The following PCM1 variants were observed in gnomAD, a reference collection of about 807,000 sequenced individuals.
The protein encoded by PCM1 is pericentriolar material 1 protein.
Under a neutral mutation model 241.9 loss-of-function variants are expected in PCM1, and 157 were observed. The observed-to-expected ratio is 0.65, with a 90% CI of 0.57 to 0.74. The LOEUF (loss-of-function observed/expected upper bound fraction) is 0.74. Ranked by LOEUF, PCM1 falls within the 30% of genes least tolerant of loss-of-function variation. PCM1 has a pLI of 0.00. For missense variants in PCM1, 3,478 were observed against 2,360.1 expected, an observed-to-expected ratio of 1.47 and a Z score of -9.81; for synonymous variants, 1,085 against 784.9, an observed-to-expected ratio of 1.38 and a Z score of -6.39.
intron 38 of PCM1, 63 bp downstream of exon 38, chr8:18,025,721 G>A (rs2094142966): frequency 1.1e-6 from 1 of 949,286 alleles, no homozygotes; most frequent in Non-Finnish European, 1.6e-6. Flanking sequence ...TACTACTATT[G>A]TGTTTTATTT....
chr8:17,984,329 G>C (rs2081914027), intron 24 of PCM1, among the ~76,000 whole-genome samples: 1 of 151,832 alleles, frequency 6.6e-6, no homozygotes, highest in African/African-American at 2.4e-5. Flanking sequence ...TTTCCCATTA[G>C]AAGAGATTGC....
At chr8:17,926,273 ATT>A (rs1214228121) in intron 2 of PCM1, 1 of 152,118 alleles carries the variant, frequency 6.6e-6, no homozygotes, top group Non-Finnish European at 1.5e-5. Flanking sequence ...AGATTTGGCC[ATT>A]TTTTTCTGAA....
intron 32 of PCM1, 51 bp downstream of exon 32, chr8:18,010,719 A>AC: frequency 7.4e-7 from 1 of 1,355,390 alleles, no homozygotes; most frequent in South Asian, 1.3e-5. Context: ...GCGGTGGCTC[A>AC]CCCCCGTAAT....
intron 24 of PCM1, among the ~76,000 whole-genome samples, chr8:17,984,304 C>T (rs1375823705): frequency 6.6e-6 from 1 of 151,754 alleles, no homozygotes; most frequent in African/African-American, 2.4e-5. Flanking sequence ...TATCAAAATT[C>T]TTTTTACCTG....
At chr8:17,994,586 T>C (rs1392996103) in intron 29 of PCM1, among the ~76,000 whole-genome samples, 1 of 152,214 alleles carries the variant, frequency 6.6e-6, no homozygotes, top group Non-Finnish European at 1.5e-5. Flanking sequence ...TAGCTCTTGC[T>C]GTATTTTCAG....
intron 23 of PCM1, among the ~76,000 whole-genome samples, chr8:17,979,230 G>A (rs910904109): frequency 6.6e-6 from 1 of 151,932 alleles, no homozygotes. Flanking sequence ...TTCTATCTCA[G>A]TTAGGAACTA....
intron 29 of PCM1, among the ~76,000 whole-genome samples, chr8:17,996,716 G>A (rs1291565703): frequency 6.6e-6 from 1 of 152,086 alleles, no homozygotes; most frequent in Non-Finnish European, 1.5e-5. Flanking sequence ...TTACCATGAG[G>A]ATTGCAAATA....
chr8:17,970,758 A>G (rs1022100559), intron 22 of PCM1, among the ~76,000 whole-genome samples: 2 of 152,136 alleles, frequency 1.3e-5, no homozygotes, highest in Admixed American at 6.6e-5. Flanking sequence ...GATAGTAAAA[A>G]ATTACTCTGG....
chr8:17,943,565 G>A (rs1184579031), intron 6 of PCM1, among the ~76,000 whole-genome samples: 2 of 151,934 alleles, frequency 1.3e-5, no homozygotes, highest in Non-Finnish European at 2.9e-5. Context: ...AAACCACTTT[G>A]CTGTTTTTAG....
intron 15 of PCM1, among the ~76,000 whole-genome samples, chr8:17,961,281 T>C (rs1767284612): frequency 6.6e-6 from 1 of 151,164 alleles, no homozygotes; most frequent in Non-Finnish European, 1.5e-5. Context: ...CCTTCTGATA[T>C]TTTCCCAGAG....
At chr8:17,928,996 T>G (rs898187587) in intron 2 of PCM1, among the ~76,000 whole-genome samples, 3 of 152,138 alleles carry the variant, frequency 2.0e-5, no homozygotes, top group Non-Finnish European at 2.9e-5. Flanking sequence ...AATAAAACTT[T>G]CCTTATGACC....
chr8:17,929,216 CTGTT>C (rs1035173763), intron 2 of PCM1, among the ~76,000 whole-genome samples: 8 of 152,130 alleles, frequency 5.3e-5, no homozygotes, highest in African/African-American at 1.4e-4. Context: ...GGCAAGGTAA[CTGTT>C]TGGTTTCTTA....
chr8:17,943,344 C>T (rs796538417), intron 6 of PCM1, among the ~76,000 whole-genome samples: 1 of 151,866 alleles, frequency 6.6e-6, no homozygotes, highest in Non-Finnish European at 1.5e-5. Context: ...GTAAAATGTG[C>T]CCCAGTTCAC....
chr8:18,017,555 T>C (rs955477959), intron 36 of PCM1, among the ~76,000 whole-genome samples: 1 of 152,150 alleles, frequency 6.6e-6, no homozygotes, highest in Non-Finnish European at 1.5e-5. Flanking sequence ...CCTCATTAGA[T>C]GAAGTTCCCA....
Position 18,010,592 on chromosome 8 carries a change from AT to A in PCM1, c.5161-15del, listed in dbSNP as rs529578376. 87 of 1,572,620 alleles carry A rather than the reference AT, an allele frequency of 5.5e-5. No individual in the cohort carries two copies. In the African/African-American group the frequency reaches 1.1e-3, roughly 20 times the overall value. On this transcript the variant is annotated splice_polypyrimidine_tract_variant and intron_variant, in intron 31 of 38. Coordinates refer to ENST00000325083, the MANE Select transcript of PCM1 (RefSeq NM_006197.4). The stretch of plus-strand genomic sequence containing the variant: ...TAAGTATGTTGCTAAATTCTGTGTA[AT>A]TGATTTGTTTTAAAGGCTAAAAGGA...
intron 23 of PCM1, chr8:17,980,220 C>T (rs971710320): frequency 7.6e-5 from 12 of 158,932 alleles, no homozygotes; most frequent in Admixed American, 7.1e-4. Flanking sequence ...TTTGACTACT[C>T]TCCCTCTATA....
At chr8:18,013,931 A>T (rs1233395331) in intron 34 of PCM1, 33 bp from the exon 35 acceptor site, 2 of 1,339,502 alleles carry the variant, frequency 1.5e-6, no homozygotes, top group African/African-American at 2.9e-5. Context: ...CATATATTTC[A>T]GGCCCTGCTA....
chr8:17,957,212 TTCTC>T (rs1332533703), intron 11 of PCM1, 48 bp from the exon 12 acceptor site: 1 of 1,453,006 alleles, frequency 6.9e-7, no homozygotes, highest in Non-Finnish European at 9.2e-7. Flanking sequence ...TTGGATTTCT[TTCTC>T]TCTTTTTTTG....
At chr8:17,974,304 C>G (rs2077885503) in intron 23 of PCM1, among the ~76,000 whole-genome samples, 1 of 152,170 alleles carries the variant, frequency 6.6e-6, no homozygotes, top group African/African-American at 2.4e-5. Context: ...TCAGAACTTT[C>G]TATTTCCTAG....
Sources: allele counts gnomAD v4.1 joint callset (sites outside exome capture counted in the v4.1 genomes callset), GRCh38; gene constraint gnomAD v4.1.1; transcripts MANE v1.5; gene names NCBI Gene and HGNC (gene_info 2026-07-23, HGNC 2026-07-21).